The following BNC1 variants were observed in gnomAD, a reference collection of about 807,000 sequenced individuals.
BNC1 encodes basonuclin zinc finger protein 1.
In BNC1, 8 loss-of-function variants were observed where a neutral mutation model predicts 66.5. The observed-to-expected ratio is 0.12, with a 90% CI of 0.07 to 0.22. The LOEUF (loss-of-function observed/expected upper bound fraction) is 0.22. Ranked by LOEUF, BNC1 falls within the 10% of genes least tolerant of loss-of-function variation. The probability of loss-of-function intolerance (pLI) is 1.00; values close to 1 mark genes in which losing one functional copy is unlikely to be tolerated. For missense variants in BNC1, 1,069 were observed against 1,241.3 expected, an observed-to-expected ratio of 0.86 and a Z score of 2.09; for synonymous variants, 454 against 452.6, an observed-to-expected ratio of 1.00 and a Z score of -0.04.
chr15:83,268,652 C>A (rs2151437289), intron 1 of BNC1, among the ~76,000 whole-genome samples: 1 of 152,248 alleles, frequency 6.6e-6, no homozygotes, highest in South Asian at 2.1e-4. Flanking sequence ...TGAGAGTAAT[C>A]TACATATAAA....
intron 1 of BNC1, among the ~76,000 whole-genome samples, chr15:83,282,698 A>G (rs1413801405): frequency 6.6e-6 from 1 of 152,256 alleles, no homozygotes; most frequent in Non-Finnish European, 1.5e-5. Flanking sequence ...AAAATCGAAT[A>G]GCAAATTAAA....
intron 1 of BNC1, among the ~76,000 whole-genome samples, chr15:83,273,080 C>G (rs1269986176): frequency 1.3e-5 from 2 of 152,060 alleles, no homozygotes; most frequent in East Asian, 1.9e-4. Flanking sequence ...ATAATTTTGT[C>G]TATAATTCAA....
chr15:83,277,218 C>T (rs1195169362), intron 1 of BNC1, among the ~76,000 whole-genome samples: 1 of 152,096 alleles, frequency 6.6e-6, no homozygotes, highest in African/African-American at 2.4e-5. Flanking sequence ...CTCACATAGG[C>T]GCATGCCACC....
At chr15:83,276,408 G>T (rs1157843646) in intron 1 of BNC1, among the ~76,000 whole-genome samples, 1 of 152,150 alleles carries the variant, frequency 6.6e-6, no homozygotes, top group Non-Finnish European at 1.5e-5. Flanking sequence ...CCCTCCACTG[G>T]TATTATCTGA....
intron 4 of BNC1, among the ~76,000 whole-genome samples, chr15:83,259,515 C>G (rs1379635305): frequency 1.3e-5 from 2 of 152,088 alleles, no homozygotes; most frequent in Non-Finnish European, 2.9e-5. Flanking sequence ...AATTATACTC[C>G]CAGATCACCC....
chr15:83,276,825 T>C (rs2038327808), intron 1 of BNC1, among the ~76,000 whole-genome samples: 3 of 152,298 alleles, frequency 2.0e-5, no homozygotes, highest in Middle Eastern at 6.8e-3. Flanking sequence ...CCAAATGCAG[T>C]TTCTAGTTTA....
Position 83,269,494 on chromosome 15 carries a change from A to G in BNC1, c.100-1262T>C, listed in dbSNP as rs115695664. ...AAAAAGCCTTACAATTAAGGTTTAA[A>G]CCTCTAATCTGCCAATTGAGGGACT... On this transcript the variant is annotated intron_variant, in intron 1 of 4. Coordinates refer to ENST00000345382, the MANE Select transcript of BNC1 (RefSeq NM_001717.4). 3.5e-3 allele frequency among the ~76,000 whole-genome samples: 538 copies of G among 152,160 alleles called. 1 individual carries two copies. Among genetic ancestry groups the G allele is most frequent in the African/African-American group, 0.012 (498 of 41,512 alleles).
In BNC1 at chr15:83,256,748, T is replaced by A. The variant is rs998740759; in HGVS notation, c.*694A>T. 5.9e-5 allele frequency: 9 copies of A among 152,254 alleles called. No homozygotes were observed. Among genetic ancestry groups the A allele is most frequent in the African/African-American group, 1.9e-4 (8 of 41,466 alleles). The allele number at this position is 152,254 out of a possible 1,614,324, so 9.4% of individuals were successfully genotyped here. On this transcript the variant is annotated 3_prime_UTR_variant, in exon 5 of 5. Coordinates refer to ENST00000345382, the MANE Select transcript of BNC1 (RefSeq NM_001717.4). ...AAATTAAATATTGTCAAAATATTTT[T>A]AAATTAAATTGAAGACCATTATTTA...
In BNC1 at chr15:83,263,049, A is replaced by G. The variant is rs1162238957; in HGVS notation, c.2202T>C (p.Ser734=). 3.1e-6 allele frequency: 5 copies of G among 1,614,074 alleles called. No homozygotes were observed. The highest frequency in any genetic ancestry group is 1.3e-5 in the African/African-American group (1 of 74,916). The part of the protein sequence containing the change: ...ICKKTFKNAC[S]VKIHHKNMHV... Reference sequence around the variant, plus strand: ...GCATATTCTTGTGATGAATTTTCACACTACAAGCATTTTTAAAGGTCTTCT... The same window carrying G: ...GCATATTCTTGTGATGAATTTTCACGCTACAAGCATTTTTAAAGGTCTTCT... The change falls in exon 4 of 5, where the codon AGT becomes AGC. Residue 734 remains serine (S), a synonymous_variant. Coordinates refer to ENST00000345382, the MANE Select transcript of BNC1 (RefSeq NM_001717.4).
intron 1 of BNC1, among the ~76,000 whole-genome samples, chr15:83,284,012 CCG>C (rs1703945415): frequency 6.6e-6 from 1 of 152,084 alleles, no homozygotes; most frequent in Admixed American, 6.5e-5. Flanking sequence ...CCGGAGGCTG[CCG>C]CGCGCCCCGT....
Position 83,257,342 on chromosome 15 carries a change from G to A in BNC1, c.*100C>T, listed in dbSNP as rs1238043727. On this transcript the variant is annotated 3_prime_UTR_variant, in exon 5 of 5. Coordinates refer to ENST00000345382, the MANE Select transcript of BNC1 (RefSeq NM_001717.4). The stretch of plus-strand genomic sequence containing the variant: ...AAAGTCAAATCAAATACTTTTGCCT[G>A]ACTCGCCCCAAATGATATGAAACAG... 14 of 1,341,676 alleles carry A rather than the reference G, an allele frequency of 1.0e-5. No individual in the cohort carries two copies. Among genetic ancestry groups the A allele is most frequent in the African/African-American group, 1.5e-5 (1 of 68,064 alleles). The allele number at this position is 1,341,676 out of a possible 1,614,324, so 83.1% of individuals were successfully genotyped here.
chr15:83,268,235 G>GA lies in BNC1; in HGVS notation c.100-4dup. On this transcript the variant is annotated splice_polypyrimidine_tract_variant and splice_region_variant and intron_variant, in intron 1 of 4. Transcript: ENST00000345382. ...CAGTTCAGAGTACAGCTGATAGCCT[G>GA]AAAAAGAGGAGAAAACAGGTATGTG... 1.2e-6 allele frequency: 2 copies of GA among 1,611,794 alleles called. No homozygotes were observed. Among genetic ancestry groups the GA allele is most frequent in the Non-Finnish European group, 1.7e-6 (2 of 1,178,040 alleles).
chr15:83,284,414 G>C (rs2038421440), intron 1 of BNC1, 116 bp downstream of exon 1: 1 of 617,366 alleles, frequency 1.6e-6, no homozygotes, highest in Non-Finnish European at 2.1e-6. Flanking sequence ...CAGGTAGCCA[G>C]CTGGCCCTCG....
In BNC1 at chr15:83,264,139, G is replaced by A; in HGVS notation, c.1112C>T (p.Thr371Ile). The change falls in exon 4 of 5, where the codon ACC becomes ATC. Residue 371 changes from threonine to isoleucine, a missense_variant. This residue lies in a region of BNC1 where 82 missense variants were observed against 136.3 expected (regional missense o/e 0.60). Transcript: ENST00000345382. ...GACGGCATTGTAGTGGATTTTGAGG[G>A]TGCCTTTGTCATAGAAGGTCTTCTC... ...ACEKTFYDKG[T>I]LKIHYNAVHL... 1 of 1,614,142 alleles carries A rather than the reference G, an allele frequency of 6.2e-7. No individual in the cohort carries two copies. The highest frequency in any genetic ancestry group is 8.5e-7 in the Non-Finnish European group (1 of 1,180,040).
At position 83,262,972 on chromosome 15, in the gene BNC1, G is replaced by A. The variant is rs1596589972; in HGVS notation, c.2279C>T (p.Pro760Leu). The A allele has an allele frequency of 6.2e-7, 1 of 1,610,018 alleles. No individual in the cohort carries two copies. The highest frequency in any genetic ancestry group is 8.5e-7 in the Non-Finnish European group (1 of 1,177,320). The change falls in exon 4 of 5, where the codon CCC becomes CTC. Residue 760 changes from proline to leucine, a missense_variant. Coordinates refer to ENST00000345382, the MANE Select transcript of BNC1 (RefSeq NM_001717.4). ...TTACCTGTCTCTGCTCCTGCGGGAGGGAAAGGTAGCATTACAGCCCTCCAC... is the reference window on the plus strand; with the variant it reads ...TTACCTGTCTCTGCTCCTGCGGGAGAGAAAGGTAGCATTACAGCCCTCCAC... ...CTVEGCNATFPSRRSRDRHSS... is the reference protein window; with the variant it reads ...CTVEGCNATFLSRRSRDRHSS...
intron 4 of BNC1, among the ~76,000 whole-genome samples, chr15:83,260,895 T>C (rs756561811): frequency 2.0e-5 from 3 of 152,204 alleles, no homozygotes; most frequent in Admixed American, 6.5e-5. Flanking sequence ...ACTTAAATCA[T>C]AGATTCTAGG....
rs758536031 is a variant in BNC1, at chr15:83,258,039, A to G, written c.2388T>C (p.Leu796=). Residue 796 remains leucine, a synonymous_variant, in exon 5 of 5, where the codon CTT becomes CTC. Transcript: ENST00000345382. ...AGGCTTCCTTAGCCACATCTTTCAG[A>G]AGGTAAGCTGCACGGAAATGATCTT... is the stretch of plus-strand genomic sequence containing the variant. ...SSEDHFRAAY[L]LKDVAKEAYQ... The G allele has an allele frequency of 9.3e-6, 15 of 1,614,032 alleles. No individual in the cohort carries two copies. The highest frequency in any genetic ancestry group is 6.7e-5 in the Admixed American group (4 of 60,024).
chr15:83,257,339 C>T lies in BNC1; in HGVS notation c.*103G>A. 1 of 1,318,960 alleles carries T rather than the reference C, an allele frequency of 7.6e-7. No individual in the cohort carries two copies. Among genetic ancestry groups the T allele is most frequent in the Non-Finnish European group, 1.0e-6 (1 of 954,518 alleles). The allele number at this position is 1,318,960 out of a possible 1,614,324, so 81.7% of individuals were successfully genotyped here. A position where few individuals can be genotyped will look rare whatever the true frequency, so the allele number is the denominator to read the frequency against. On this transcript the variant is annotated 3_prime_UTR_variant, in exon 5 of 5. Transcript: ENST00000345382. ...TATAAAGTCAAATCAAATACTTTTG[C>T]CTGACTCGCCCCAAATGATATGAAA...
At chr15:83,269,953 T>TA (rs2038254222) in intron 1 of BNC1, among the ~76,000 whole-genome samples, 1 of 152,196 alleles carries the variant, frequency 6.6e-6, no homozygotes, top group Non-Finnish European at 1.5e-5. Flanking sequence ...TATTATGTAC[T>TA]AAGTGAGAGA....
Sources: allele counts gnomAD v4.1 joint callset (sites outside exome capture counted in the v4.1 genomes callset), GRCh38; gene constraint gnomAD v4.1.1; regional missense constraint gnomAD v4.1.1; transcripts MANE v1.5; gene names NCBI Gene and HGNC (gene_info 2026-07-23, HGNC 2026-07-21).